The following MAP3K15 variants were observed in gnomAD, a reference collection of about 807,000 sequenced individuals.
MAP3K15 encodes the protein mitogen-activated protein kinase kinase kinase 15.
MAP3K15 carries 124 observed loss-of-function variants against 99.5 expected under a neutral mutation model. The observed-to-expected ratio is 1.25, with a 90% confidence interval of 1.08 to 1.45. The LOEUF (loss-of-function observed/expected upper bound fraction) is 1.45. MAP3K15 is among the 40% of genes most tolerant of loss of function. The pLI, the probability that MAP3K15 is intolerant of heterozygous loss-of-function variation, is 0.00. For missense variants in MAP3K15, 1,242 were observed against 1,079.7 expected, an observed-to-expected ratio of 1.15 and a Z score of -2.11; for synonymous variants, 494 against 439.6, an observed-to-expected ratio of 1.12 and a Z score of -1.55.
intron 3 of MAP3K15, among the ~76,000 whole-genome samples, chrX:19,473,169 A>G (rs2064219018): frequency 8.9e-6 from 1 of 112,328 alleles, no homozygotes; most frequent in Non-Finnish European, 1.9e-5. Context: ...GAATCCGGAG[A>G]CTTTGGGAAG....
intron 18 of MAP3K15, among the ~76,000 whole-genome samples, chrX:19,386,467 C>T (rs1158385605): frequency 1.8e-5 from 2 of 110,651 alleles, no homozygotes; most frequent in Non-Finnish European, 1.9e-5. Context: ...ACAAAACAAA[C>T]AAACAAACAA....
At position 19,407,215 on chromosome X, in the gene MAP3K15, T is replaced by C. The variant is rs1385527483; in HGVS notation, c.1817A>G (p.Tyr606Cys). The C allele has an allele frequency of 4.2e-6, 5 of 1,196,116 alleles. No homozygotes were observed. Among genetic ancestry groups the C allele is most frequent in the South Asian group, 3.7e-5 (2 of 54,455 alleles). Reference sequence around the variant, plus strand: ...ACTGCACTGCTCTTCGGTGGAAAAGTAGATTTGAAAGTCATCAGAATTATC... The same window carrying C: ...ACTGCACTGCTCTTCGGTGGAAAAGCAGATTTGAAAGTCATCAGAATTATC... ...VHDNSDDFQI[Y>C]FSTEEQCSRF... The change falls in exon 13 of 29, where the codon TAC becomes TGC. Residue 606 changes from tyrosine to cysteine, a missense_variant. Tyr to Cys is a radical substitution (Grantham distance 194). Coordinates refer to ENST00000338883, the MANE Select transcript of MAP3K15 (RefSeq NM_001001671.4).
At chrX:19,375,507 G>A (rs16981126) in intron 19 of MAP3K15, among the ~76,000 whole-genome samples, 10,271 of 111,873 alleles carry the variant, frequency 0.092, 775 homozygotes, top group African/African-American at 0.25. Flanking sequence ...ACATGCTTCC[G>A]TGACATGTTA....
chrX:19,425,625 C>T lies in MAP3K15; in HGVS notation c.1345G>A (p.Val449Met), dbSNP rs374240911. ...SLEKMNNYWD[V>M]GQFFSVSMLA... is the part of the protein sequence containing the mutation. ...ATGCTGACGCTGAAGAACTGACCCA[C>T]ATCCCAGTAATTGTTCATTTTCTCC... Residue 449 changes from valine (V) to methionine (M), a missense_variant, in exon 9 of 29, where the codon GTG (valine) becomes ATG (methionine). Physicochemically the swap from Val to Met is conservative, Grantham distance 21. Transcript: ENST00000338883. The T allele has an allele frequency of 5.8e-6, 7 of 1,197,614 alleles. No individual in the cohort carries two copies. In the African/African-American group the frequency reaches 1.2e-4, roughly 21 times the overall value.
rs1042456 is a variant in MAP3K15 at position 19,360,666 on chromosome X, C to A, written c.*83G>T. 64,117 of 709,368 alleles carry A rather than the reference C, an allele frequency of 0.09. 8,548 individuals are homozygous for A. The highest frequency in any genetic ancestry group is 0.66 in the African/African-American group (30,605 of 46,263). 58.5% of individuals were successfully genotyped at this position (709,368 alleles called of 1,213,427 possible). A position where few individuals can be genotyped will look rare whatever the true frequency, so the allele number is the denominator to read the frequency against. Reference sequence around the variant, plus strand: ...GGCATTTTTAAATATGTAAACACAGCGGAATTCGTGTATACACTAACAGAA... The same window carrying A: ...GGCATTTTTAAATATGTAAACACAGAGGAATTCGTGTATACACTAACAGAA... On this transcript the variant is annotated 3_prime_UTR_variant, in exon 29 of 29. Coordinates refer to ENST00000338883, the MANE Select transcript of MAP3K15 (RefSeq NM_001001671.4).
chrX:19,489,744 A>C (rs2064354540), intron 1 of MAP3K15, among the ~76,000 whole-genome samples: 1 of 111,060 alleles, frequency 9.0e-6, no homozygotes, highest in African/African-American at 3.3e-5. Context: ...ATTATGAGAA[A>C]TAAATTTCTG....
intron 4 of MAP3K15, 106 bp downstream of exon 4, chrX:19,464,107 T>C (rs777163543): frequency 1.5e-6 from 1 of 661,826 alleles, no homozygotes; most frequent in East Asian, 3.4e-5. Context: ...GGGACAATAG[T>C]GGGTTCTCCA....
At chrX:19,476,559 T>C (rs1190268500) in intron 3 of MAP3K15, among the ~76,000 whole-genome samples, 1 of 112,265 alleles carries the variant, frequency 8.9e-6, no homozygotes, top group Non-Finnish European at 1.9e-5. Context: ...GCCAGCTAGA[T>C]ACATACATAT....
chrX:19,371,521 C>A lies in MAP3K15; in HGVS notation c.3118G>T (p.Glu1040Ter). ...LQECVAQSSE[E>*]LHLSVGHIKQ... ...ATGTGTCCAACTGAGAGATGCAACT[C>A]TTCGGAACTCTGAAAACACACACAA... Residue 1040 changes from glutamate to a stop codon, truncating the protein, a stop_gained, in exon 23 of 29, where the codon GAG (glutamate) becomes TAG (stop). Transcript: ENST00000338883. LOFTEE classifies it high-confidence loss of function. The A allele has an allele frequency of 8.4e-7, 1 of 1,196,407 alleles. No individual in the cohort carries two copies. The highest frequency in any genetic ancestry group is 1.1e-6 in the Non-Finnish European group (1 of 884,035).
chrX:19,404,816 T>C (rs777594588), intron 13 of MAP3K15, among the ~76,000 whole-genome samples: 17 of 111,385 alleles, frequency 1.5e-4, no homozygotes, highest in Non-Finnish European at 3.0e-4. Context: ...CATATCCACG[T>C]TAAAGAATAA....
Position 19,361,431 on chromosome X carries a change from G to A in MAP3K15, c.3781-16C>T, listed in dbSNP as rs779022123. 1.7e-6 allele frequency: 2 copies of A among 1,195,808 alleles called. No individual in the cohort carries two copies. Among genetic ancestry groups the A allele is most frequent in the Non-Finnish European group, 2.3e-6 (2 of 881,592 alleles). ...CTTCAACAATCTGAAACAAAGATCAGATCCTTAAGAGCTGAGCAGCTGTGT... is the reference window on the plus strand; with the variant it reads ...CTTCAACAATCTGAAACAAAGATCAAATCCTTAAGAGCTGAGCAGCTGTGT... On this transcript the variant is annotated splice_polypyrimidine_tract_variant and intron_variant, in intron 27 of 28. Transcript: ENST00000338883.
intron 20 of MAP3K15, 57 bp from the exon 21 acceptor site, chrX:19,373,752 C>T: frequency 8.8e-7 from 1 of 1,132,361 alleles, no homozygotes; most frequent in Non-Finnish European, 1.2e-6. Flanking sequence ...CGGGGTGGAG[C>T]TGAGTCCCTG....
At chrX:19,420,457 G>C (rs1209275084) in intron 9 of MAP3K15, among the ~76,000 whole-genome samples, 1 of 110,840 alleles carries the variant, frequency 9.0e-6, no homozygotes, top group Non-Finnish European at 1.9e-5. Context: ...TAAATTCCTC[G>C]ACACATACAC....
chrX:19,431,537 G>C lies in MAP3K15; in HGVS notation c.1067C>G (p.Pro356Arg), dbSNP rs764168112. 1.5e-5 allele frequency: 18 copies of C among 1,197,468 alleles called. No homozygotes were observed. The highest frequency in any genetic ancestry group is 4.4e-5 in the Admixed American group (2 of 45,582). Residue 356 changes from proline to arginine, a missense_variant, in exon 7 of 29, where the codon CCG becomes CGG. Physicochemically the swap from Pro to Arg is moderately radical, Grantham distance 103 (BLOSUM62 -2). Transcript: ENST00000338883. ...ACACAGGCAGAACATGTCGGGGCCC[G>C]GGTGATCACAGCTCTGCAGAACCTG... ...MLQVLQSCDH[P>R]GPDMFCLCGR...
chrX:19,392,510 G>T (rs749171261), intron 16 of MAP3K15, 37 bp from the exon 17 acceptor site: 61 of 1,185,611 alleles, frequency 5.1e-5, no homozygotes, highest in Middle Eastern at 2.4e-4. Context: ...ATCAGGAAGA[G>T]AAAGTTTCAA....
intron 3 of MAP3K15, among the ~76,000 whole-genome samples, chrX:19,470,048 T>G (rs1255711916): frequency 8.9e-6 from 1 of 111,752 alleles, no homozygotes; most frequent in African/African-American, 3.3e-5. Flanking sequence ...ATCCCATTAC[T>G]GGGTATATAC....
chrX:19,437,990 C>G (rs958571975), intron 6 of MAP3K15, among the ~76,000 whole-genome samples: 4 of 112,490 alleles, frequency 3.6e-5, no homozygotes, highest in African/African-American at 1.3e-4. Flanking sequence ...ACCAAACTGA[C>G]AAGACAGGTT....
intron 6 of MAP3K15, among the ~76,000 whole-genome samples, chrX:19,432,253 T>A (rs1319488233): frequency 9.0e-6 from 1 of 110,845 alleles, no homozygotes; most frequent in Non-Finnish European, 1.9e-5. Context: ...TGGACTGTGA[T>A]TCAAACAAAT....
chrX:19,446,819 T>G (rs776090394), intron 6 of MAP3K15, among the ~76,000 whole-genome samples: 2 of 111,640 alleles, frequency 1.8e-5, no homozygotes, highest in South Asian at 7.7e-4. Context: ...CAACCTCAAC[T>G]GGAACTGGTA....
Sources: allele counts gnomAD v4.1 joint callset (sites outside exome capture counted in the v4.1 genomes callset), GRCh38; gene constraint gnomAD v4.1.1; transcripts MANE v1.5; gene names NCBI Gene and HGNC (gene_info 2026-07-23, HGNC 2026-07-21).